The following C4orf50 variants were observed in gnomAD, a reference collection of about 807,000 sequenced individuals.
C4orf50 encodes the protein uncharacterized protein C4orf50.
C4orf50 carries 80 observed loss-of-function variants against 77.2 expected under a neutral mutation model. The observed-to-expected ratio is 1.04, with a 90% CI of 0.87 to 1.25. The LOEUF is 1.25. Ranked by LOEUF, C4orf50 falls within the 50% of genes most tolerant of loss-of-function variation. C4orf50 has a pLI of 0.00. For synonymous variants in C4orf50, 532 were observed against 465.3 expected (o/e 1.14, Z -1.84); for missense variants, 1,257 against 1,152.9 (o/e 1.09, Z -1.31).
At chr4:5,943,090 A>G (rs1718330342) in intron 7 of C4orf50, among the ~76,000 whole-genome samples, 1 of 152,196 alleles carries the variant, frequency 6.6e-6, no homozygotes, top group Non-Finnish European at 1.5e-5. Flanking sequence ...TGATTATCCT[A>G]GTGTTCCAGG....
At chr4:5,948,137 C>T (rs529238392) in intron 7 of C4orf50, among the ~76,000 whole-genome samples, 28 of 152,316 alleles carry the variant, frequency 1.8e-4, no homozygotes, top group Admixed American at 1.8e-3. Context: ...AGGCACAGAG[C>T]AGGCAGTTAG....
chr4:6,007,997 A>G lies in C4orf50; in HGVS notation c.962T>C (p.Leu321Pro). The G allele has an allele frequency of 2.5e-6, 1 of 399,190 alleles. No individual in the cohort carries two copies. The highest frequency in any genetic ancestry group is 3.6e-5 in the East Asian group (1 of 28,062). The allele number at this position is 399,190 out of a possible 1,614,324, so 24.7% of individuals were successfully genotyped here. The change falls in exon 25 of 34, where the codon CTG becomes CCG. Residue 321 changes from leucine (L) to proline (P), a missense_variant and splice_region_variant. Coordinates refer to ENST00000531445, the Ensembl canonical transcript of C4orf50. The surrounding 1 kb of genome is among the most constrained non-coding windows in gnomAD (Gnocchi z 4.1). ...CTACCCTGAGTTCCCGCCACTTACC[A>G]GGCTGCAGTGACCAATAGGGGCCTG...
rs1274379002 is a variant in C4orf50, at chr4:5,992,733, A to G, written c.1221+70T>C. The G allele has an allele frequency of 5.0e-6, 2 of 398,776 alleles. No individual in the cohort carries two copies. The highest frequency in any genetic ancestry group is 6.2e-4 in the Middle Eastern group (1 of 1,610). The allele number at this position is 398,776 out of a possible 1,614,324, so 24.7% of individuals were successfully genotyped here. ...TCCCACATCCTGCGTGTGGCCACAT[A>G]GCCTGCATGAGGCAGGGCTGAGGGG... is the stretch of plus-strand genomic sequence containing the variant. On this transcript the variant is annotated intron_variant, in intron 27 of 33. Transcript: ENST00000531445. This position sits in a 1 kb window ranked among gnomAD's most constrained non-coding sequence, Gnocchi z 5.0.
chr4:6,011,887 G>A lies in C4orf50; in HGVS notation c.369C>T (p.Ser123=), dbSNP rs114880771. ...GCTTCTCCTGGGCCTGGAGCCAGGC[G>A]CTTCTCTCCTGGGCCACGTGGGTGC... The change falls in exon 24 of 34, where the codon AGC becomes AGT. Residue 123 remains serine (S), a synonymous_variant. Coordinates refer to ENST00000531445, the Ensembl canonical transcript of C4orf50. The surrounding 1 kb of genome is among the most constrained non-coding windows in gnomAD (Gnocchi z 4.2). 2,017 of 399,030 alleles carry A rather than the reference G, an allele frequency of 5.1e-3. 14 individuals are homozygous for A. Among genetic ancestry groups the A allele is most frequent in the Non-Finnish European group, 7.2e-3 (1,624 of 226,066 alleles). 24.7% of individuals were successfully genotyped at this position (399,030 alleles called of 1,614,324 possible).
At chr4:5,911,556 C>G (rs4461469) in intron 7 of C4orf50, among the ~76,000 whole-genome samples, 58,643 of 152,086 alleles carry the variant, frequency 0.39, 14,051 homozygotes, top group East Asian at 0.75. Context: ...ATCAGAATGA[C>G]AAAACATGCA....
At chr4:5,965,755 T>A (rs1295947708) in intron 32 of C4orf50, among the ~76,000 whole-genome samples, 2 of 152,166 alleles carry the variant, frequency 1.3e-5, no homozygotes, top group East Asian at 1.9e-4. Flanking sequence ...AGAACACGTT[T>A]CTCTGCTCAT....
At chr4:5,914,904 T>C (rs1716967613) in intron 7 of C4orf50, among the ~76,000 whole-genome samples, 1 of 152,252 alleles carries the variant, frequency 6.6e-6, no homozygotes, top group Non-Finnish European at 1.5e-5. Flanking sequence ...CATCTCATAG[T>C]CTATTTCCCT....
chr4:5,921,838 G>A (rs1717288408), intron 7 of C4orf50, among the ~76,000 whole-genome samples: 2 of 152,218 alleles, frequency 1.3e-5, no homozygotes, highest in Non-Finnish European at 2.9e-5. Flanking sequence ...CCGGTGCTGG[G>A]AGGTGAGGAA....
At chr4:5,980,763 A>T (rs945843321) in intron 28 of C4orf50, among the ~76,000 whole-genome samples, 1 of 152,222 alleles carries the variant, frequency 6.6e-6, no homozygotes, top group African/African-American at 2.4e-5. Flanking sequence ...CAGTGTGATG[A>T]GTGAAATTGA....
chr4:6,001,308 C>T (rs548981276), intron 25 of C4orf50, among the ~76,000 whole-genome samples: 8 of 152,150 alleles, frequency 5.3e-5, no homozygotes, highest in Non-Finnish European at 1.0e-4. Flanking sequence ...TGCCACCATG[C>T]CCAGATAATT....
intron 33 of C4orf50, among the ~76,000 whole-genome samples, chr4:5,963,413 T>G (rs762054180): frequency 8.5e-5 from 13 of 152,158 alleles, no homozygotes; most frequent in Non-Finnish European, 1.6e-4. Context: ...TCATTTAAAA[T>G]GAAGTTTACC....
chr4:5,934,815 A>C (rs1577905248), intron 7 of C4orf50, among the ~76,000 whole-genome samples: 1 of 152,204 alleles, frequency 6.6e-6, no homozygotes, highest in African/African-American at 2.4e-5. Flanking sequence ...ACTCACTATC[A>C]TGGGCCAGGA....
chr4:5,989,902 A>G, exon 28 of C4orf50: 1 of 1,432,562 alleles, frequency 7.0e-7, no homozygotes, highest in Non-Finnish European at 9.1e-7. Flanking sequence ...TCCTTGCAGA[A>G]GCAGAGCATT....
chr4:5,978,390 A>G (rs529928640), intron 29 of C4orf50, among the ~76,000 whole-genome samples: 1 of 152,366 alleles, frequency 6.6e-6, no homozygotes, highest in South Asian at 2.1e-4. Flanking sequence ...AACTAAAGTG[A>G]GTTTAGGAGC....
At chr4:6,002,087 T>C (rs75452453) in intron 25 of C4orf50, among the ~76,000 whole-genome samples, 1 of 152,170 alleles carries the variant, frequency 6.6e-6, no homozygotes, top group Non-Finnish European at 1.5e-5. Flanking sequence ...TTGAAAATAG[T>C]GTTTTTGCAG....
Position 6,000,959 on chromosome 4 carries a change from G to A in C4orf50, c.964-6483C>T, listed in dbSNP as rs903523858. 3.3e-5 allele frequency among the ~76,000 whole-genome samples: 5 copies of A among 152,114 alleles called. No individual in the cohort carries two copies. Among genetic ancestry groups the A allele is most frequent in the Admixed American group, 6.6e-5 (1 of 15,264 alleles). ...GAGTCCCCTCCAAGGGCAACCCATCGGTAAGTGGCAGGAGAGCCCACCTCC... is the reference window on the plus strand; with the variant it reads ...GAGTCCCCTCCAAGGGCAACCCATCAGTAAGTGGCAGGAGAGCCCACCTCC... On this transcript the variant is annotated intron_variant, in intron 25 of 33. Coordinates refer to ENST00000531445, the Ensembl canonical transcript of C4orf50. This position sits in a 1 kb window ranked among gnomAD's most constrained non-coding sequence, Gnocchi z 6.0.
chr4:5,913,327 C>G (rs539853795), intron 7 of C4orf50, among the ~76,000 whole-genome samples: 1 of 152,092 alleles, frequency 6.6e-6, no homozygotes, highest in African/African-American at 2.4e-5. Context: ...AGGAGGAGGC[C>G]GTGTCTCTAG....
rs575966913 is a variant in C4orf50 at position 5,975,006 on chromosome 4, G to A, written c.3921+893C>T. 9.2e-4 allele frequency among the ~76,000 whole-genome samples: 139 copies of A among 151,912 alleles called. 1 individual carries two copies. Among genetic ancestry groups the A allele is most frequent in the Middle Eastern group, 6.8e-3 (2 of 294 alleles). ...AATACAAAAATTAGCCAAGTGTGGT[G>A]GCACATGCCTGTAATCCCAGCTACT... On this transcript the variant is annotated intron_variant, in intron 30 of 33. Coordinates refer to ENST00000531445, the Ensembl canonical transcript of C4orf50.
chr4:5,958,179 T>C lies in C4orf50; in HGVS notation c.*1196A>G, dbSNP rs1719073425. 2 of 152,180 alleles carry C rather than the reference T, an allele frequency of 1.3e-5. No homozygotes were observed. Among genetic ancestry groups the C allele is most frequent in the Admixed American group, 6.5e-5 (1 of 15,268 alleles). 9.4% of individuals were successfully genotyped at this position (152,180 alleles called of 1,614,324 possible). ...TGGTGGGTGAGCCTGGGTCAGGGTC[T>C]GGTGTGTGTCGTCCAAGCCCCCTAG... On this transcript the variant is annotated 3_prime_UTR_variant, in exon 34 of 34. Transcript: ENST00000531445. The surrounding 1 kb of genome is among the most constrained non-coding windows in gnomAD (Gnocchi z 5.4).
Sources: allele counts gnomAD v4.1 joint callset (sites outside exome capture counted in the v4.1 genomes callset), GRCh38; gene constraint gnomAD v4.1.1; non-coding constraint Gnocchi (gnomAD v3.1); transcripts MANE v1.5; gene names NCBI Gene and HGNC (gene_info 2026-07-23, HGNC 2026-07-21).